The following GLT8D2 variants were observed in gnomAD, a reference collection of about 807,000 sequenced individuals.
GLT8D2 encodes the protein glycosyltransferase 8 domain containing 2.
GLT8D2 carries 45 observed loss-of-function variants against 44.5 expected under a neutral mutation model. The observed-to-expected ratio is 1.01, with a 90% confidence interval of 0.80 to 1.30. The LOEUF (loss-of-function observed/expected upper bound fraction) is 1.30. GLT8D2 is among the 50% of genes most tolerant of loss of function. GLT8D2 has a pLI of 0.00. For synonymous variants in GLT8D2, 156 were observed against 157.2 expected, an observed-to-expected ratio of 0.99 and a Z score of 0.06; for missense variants, 400 against 430.4, an observed-to-expected ratio of 0.93 and a Z score of 0.62.
At chr12:104,057,146 G>T (rs1281617372) in intron 1 of GLT8D2, among the ~76,000 whole-genome samples, 1 of 152,154 alleles carries the variant, frequency 6.6e-6, no homozygotes, top group African/African-American at 2.4e-5. Flanking sequence ...GTAAGGAAAA[G>T]GATAAAGATG....
rs201617792 is a variant in GLT8D2 at position 104,016,775 on chromosome 12, G to GAAAGAAGGA, written c.20-1671_20-1670insTCCTTCTTT. On this transcript the variant is annotated intron_variant, in intron 3 of 10. Coordinates refer to ENST00000360814, the MANE Select transcript of GLT8D2 (RefSeq NM_001384711.1). ...AGAAAGAAAGAAAGAAAGAAAGAAA[G>GAAAGAAGGA]AAGGAAGGAAGGAAGGAAGGAAGGA... 6.6e-3 allele frequency among the ~76,000 whole-genome samples: 495 copies of GAAAGAAGGA among 74,614 alleles called. 1 individual carries two copies. The highest frequency in any genetic ancestry group is 9.9e-3 in the Non-Finnish European group (367 of 37,188). The allele number at this position is 74,614 out of a possible 152,430, so 48.9% of individuals were successfully genotyped here. A position where few individuals can be genotyped will look rare whatever the true frequency, so the allele number is the denominator to read the frequency against.
chr12:104,003,678 C>T (rs1369818798), intron 4 of GLT8D2, among the ~76,000 whole-genome samples: 1 of 152,074 alleles, frequency 6.6e-6, no homozygotes, highest in East Asian at 1.9e-4. Context: ...GTTAGAGTTG[C>T]CAGCTTAGAC....
chr12:103,990,019 A>G lies in GLT8D2; in HGVS notation c.881-442T>C, dbSNP rs186006844. On this transcript the variant is annotated intron_variant, in intron 10 of 10. Coordinates refer to ENST00000360814, the MANE Select transcript of GLT8D2 (RefSeq NM_001384711.1). ...AGGACATTTAGATTGTTTCTATCCT[A>G]TTATTAGCATAAACACAGCAATGAG... Among the ~76,000 whole-genome samples the G allele has an allele frequency of 5.9e-4, 88 of 149,620 alleles. 1 individual carries two copies. In the East Asian group the frequency reaches 0.016, roughly 28 times the overall value.
At chr12:104,062,230 C>A (rs551215606) in intron 1 of GLT8D2, among the ~76,000 whole-genome samples, 3 of 151,746 alleles carry the variant, frequency 2.0e-5, no homozygotes, top group Non-Finnish European at 2.9e-5. Flanking sequence ...TGCACCACCA[C>A]GCCCGGCTAA....
intron 1 of GLT8D2, among the ~76,000 whole-genome samples, chr12:104,056,942 C>T (rs1882229475): frequency 6.6e-6 from 1 of 152,038 alleles, no homozygotes; most frequent in South Asian, 2.1e-4. Flanking sequence ...ATAGAATTTG[C>T]CAATAAAGAT....
intron 6 of GLT8D2, among the ~76,000 whole-genome samples, chr12:103,998,288 G>A (rs1024395978): frequency 6.6e-6 from 1 of 150,686 alleles, no homozygotes. Context: ...AGGCTGGAGT[G>A]CAGTGGCATG....
At position 104,001,222 on chromosome 12, in the gene GLT8D2, C is replaced by G. The variant is rs953531515; in HGVS notation, c.285-1708G>C. Among the ~76,000 whole-genome samples the G allele has an allele frequency of 1.1e-4, 17 of 152,302 alleles. No individual in the cohort carries two copies. In the East Asian group the frequency reaches 3.1e-3, roughly 28 times the overall value. On this transcript the variant is annotated intron_variant, in intron 5 of 10. Coordinates refer to ENST00000360814, the MANE Select transcript of GLT8D2 (RefSeq NM_001384711.1). ...CTCCTATGTCTGCTTAGACAGAGTG[C>G]CTTCTTTCGTTAACATCTGGATCAT...
At chr12:104,045,661 C>T (rs1324417698) in intron 1 of GLT8D2, among the ~76,000 whole-genome samples, 1 of 152,022 alleles carries the variant, frequency 6.6e-6, no homozygotes, top group Non-Finnish European at 1.5e-5. Context: ...GTGGCCAAAC[C>T]TGGAAAGAAT....
intron 1 of GLT8D2, chr12:104,063,867 A>C (rs1190775588): frequency 1.3e-5 from 2 of 152,328 alleles, no homozygotes. Flanking sequence ...GGCTGTGGAC[A>C]GCCCTCACTT....
At chr12:104,007,265 T>TCTCTCTCTCTCTCC (rs377119502) in intron 4 of GLT8D2, among the ~76,000 whole-genome samples, 22 of 136,370 alleles carry the variant, frequency 1.6e-4, no homozygotes, top group Non-Finnish European at 2.5e-4. Context: ...TCTCTCTCTC[T>TCTCTCTCTCTCTCC]CCCCCCGCTC....
intron 4 of GLT8D2, chr12:104,012,675 T>C: frequency 3.5e-6 from 2 of 569,702 alleles, no homozygotes; most frequent in Non-Finnish European, 6.2e-6. Context: ...GTGTAGATAC[T>C]GCTATGGACT....
chr12:104,051,231 C>A (rs56269347), upstream of GLT8D2, among the ~76,000 whole-genome samples: 13,810 of 152,028 alleles, frequency 0.091, 941 homozygotes, highest in East Asian at 0.31. Context: ...GGCGATCCTC[C>A]CGTCTCAGCC....
At chr12:104,017,448 G>A (rs549242173) in intron 3 of GLT8D2, among the ~76,000 whole-genome samples, 26 of 152,106 alleles carry the variant, frequency 1.7e-4, no homozygotes, top group African/African-American at 4.8e-4. Context: ...TCAGCCTCCC[G>A]AGTAGCTGGG....
At chr12:104,012,898 C>T (rs1876062669) in intron 4 of GLT8D2, 9 of 660,984 alleles carry the variant, frequency 1.4e-5, no homozygotes, top group Middle Eastern at 2.5e-4. Context: ...GAAAAGGCCA[C>T]GTGAGGACAC....
chr12:104,048,862 T>C (rs780789013), intron 1 of GLT8D2, among the ~76,000 whole-genome samples: 2 of 152,240 alleles, frequency 1.3e-5, no homozygotes, highest in Non-Finnish European at 2.9e-5. Context: ...CATTAGGTCA[T>C]GTAATTTCCA....
rs368042159 is a variant in GLT8D2, at chr12:104,016,503, G to A, written c.20-1398C>T. Among the ~76,000 whole-genome samples the A allele has an allele frequency of 3.3e-5, 5 of 151,582 alleles. No homozygotes were observed. The South Asian group carries it at 6.3e-4, about 19-fold the overall frequency. On this transcript the variant is annotated intron_variant, in intron 3 of 10. Transcript: ENST00000360814. The stretch of plus-strand genomic sequence containing the variant: ...AATACAAAAATTAGCCAGGTGTTGC[G>A]CATGCCTGTAGTCCCAGCTATTCAG...
intron 1 of GLT8D2, among the ~76,000 whole-genome samples, chr12:104,032,546 A>G (rs1292817043): frequency 6.6e-6 from 1 of 151,610 alleles, no homozygotes; most frequent in African/African-American, 2.4e-5. Flanking sequence ...AATGGCCAAG[A>G]GGTATATGAA....
intron 3 of GLT8D2, 49 bp downstream of exon 3, chr12:104,019,581 C>A: frequency 6.9e-7 from 1 of 1,454,320 alleles, no homozygotes; most frequent in Non-Finnish European, 9.6e-7. Context: ...TCAAAACCAT[C>A]CTCCCAAATA....
chr12:104,061,454 C>A (rs1332866349), intron 1 of GLT8D2, among the ~76,000 whole-genome samples: 2 of 152,126 alleles, frequency 1.3e-5, no homozygotes, highest in Non-Finnish European at 2.9e-5. Context: ...GAACAAAGTA[C>A]AGTTCTTTAA....
Sources: allele counts gnomAD v4.1 joint callset (sites outside exome capture counted in the v4.1 genomes callset), GRCh38; gene constraint gnomAD v4.1.1; transcripts MANE v1.5; gene names NCBI Gene and HGNC (gene_info 2026-07-23, HGNC 2026-07-21).